Variants in PCDH7 observed in about 807,000 individuals in gnomAD.
PCDH7 encodes protocadherin 7.
Under a neutral mutation model 58.9 loss-of-function variants are expected in PCDH7, and 17 were observed. The observed-to-expected ratio is 0.29, with a 90% CI of 0.20 to 0.43. The LOEUF (loss-of-function observed/expected upper bound fraction) is 0.43. Ranked by LOEUF, PCDH7 falls within the 20% of genes least tolerant of loss-of-function variation. The probability of loss-of-function intolerance (pLI) is 1.00; values close to 1 mark genes in which losing one functional copy is unlikely to be tolerated. For synonymous variants in PCDH7, 664 were observed against 616.4 expected (o/e 1.08, Z -1.14); for missense variants, 1,274 against 1,441.0 (o/e 0.88, Z 1.88).
exon 4 of PCDH7, chr4:31,142,650 C>T: frequency 1.5e-6 from 2 of 1,367,648 alleles, no homozygotes; most frequent in Non-Finnish European, 2.0e-6. Context: ...GAAAAGCTGG[C>T]CAATGGGGAG....
intron 2 of PCDH7, among the ~76,000 whole-genome samples, chr4:30,933,745 C>G (rs554041232): frequency 6.6e-6 from 1 of 152,178 alleles, no homozygotes; most frequent in South Asian, 2.1e-4. Flanking sequence ...GTATCTGACA[C>G]TCACAACTGT....
At chr4:31,043,085 AT>A (rs976371329) in intron 3 of PCDH7, among the ~76,000 whole-genome samples, 14 of 151,964 alleles carry the variant, frequency 9.2e-5, no homozygotes, top group Non-Finnish European at 1.8e-4. Context: ...CCGTGAATGG[AT>A]TTTTTTCATG....
At chr4:30,906,450 A>G (rs756875417) in intron 1 of PCDH7, among the ~76,000 whole-genome samples, 4 of 152,198 alleles carry the variant, frequency 2.6e-5, no homozygotes, top group Non-Finnish European at 5.9e-5. Flanking sequence ...AACAAGACAT[A>G]TTAAAACATG....
chr4:30,920,804 A>G (rs1743097348), intron 2 of PCDH7, among the ~76,000 whole-genome samples: 1 of 152,218 alleles, frequency 6.6e-6, no homozygotes, highest in Admixed American at 6.5e-5. Context: ...TTCTTGTCCT[A>G]GATGTTTAGA....
chr4:30,809,149 GACATAGC>G (rs1726647523), intron 1 of PCDH7, among the ~76,000 whole-genome samples: 1 of 152,106 alleles, frequency 6.6e-6, no homozygotes, highest in African/African-American at 2.4e-5. Flanking sequence ...TTGGATTAGC[GACATAGC>G]TATGTAGCTC....
intron 3 of PCDH7, among the ~76,000 whole-genome samples, chr4:31,091,394 T>C (rs1713229432): frequency 6.6e-6 from 1 of 151,896 alleles, no homozygotes; most frequent in African/African-American, 2.4e-5. Flanking sequence ...TATAGAAATA[T>C]ATTAAAATAT....
chr4:30,735,107 C>CAGTA (rs1449862176), downstream of PCDH7, among the ~76,000 whole-genome samples: 1 of 152,056 alleles, frequency 6.6e-6, no homozygotes, highest in Non-Finnish European at 1.5e-5. Flanking sequence ...ACTGGTCGTA[C>CAGTA]AGTACACTTT....
At chr4:30,816,451 A>G (rs1398872824) in intron 1 of PCDH7, among the ~76,000 whole-genome samples, 1 of 152,194 alleles carries the variant, frequency 6.6e-6, no homozygotes, top group South Asian at 2.1e-4. Flanking sequence ...ACCTTTTAAA[A>G]TATGTAAGCA....
intron 3 of PCDH7, among the ~76,000 whole-genome samples, chr4:31,106,851 A>G (rs1205525002): frequency 6.6e-6 from 1 of 152,214 alleles, no homozygotes; most frequent in African/African-American, 2.4e-5. Context: ...ATGAAAACAC[A>G]CACATTTTAT....
At chr4:30,794,760 T>A (rs1197750706) in intron 1 of PCDH7, among the ~76,000 whole-genome samples, 1 of 152,110 alleles carries the variant, frequency 6.6e-6, no homozygotes, top group Non-Finnish European at 1.5e-5. Flanking sequence ...CGATTGAAAG[T>A]TCTATTTTGT....
chr4:31,028,491 A>T (rs756747223), intron 3 of PCDH7, among the ~76,000 whole-genome samples: 12 of 152,134 alleles, frequency 7.9e-5, no homozygotes, highest in Non-Finnish European at 7.3e-5. Flanking sequence ...CTCTAAAAAT[A>T]AAATAAAATT....
chr4:30,891,778 T>TA, intron 1 of PCDH7, among the ~76,000 whole-genome samples: 1 of 141,972 alleles, frequency 7.0e-6, no homozygotes, highest in African/African-American at 2.5e-5. Flanking sequence ...TTTTTGTTTT[T>TA]TTTTTTTCTC....
chr4:30,939,962 G>A (rs560653114), intron 2 of PCDH7, among the ~76,000 whole-genome samples: 1 of 151,998 alleles, frequency 6.6e-6, no homozygotes, highest in African/African-American at 2.4e-5. Flanking sequence ...AGAAATGGAA[G>A]AGTCGATTAA....
rs141511902 is a variant in PCDH7 at position 30,777,315 on chromosome 4, G to A, written c.70+52719G>A. ...ATTGAAACTCTTAACATGTTTTGAC[G>A]CCAAGAATAACAGCAGAAAATTTTT... On this transcript the variant is annotated intron_variant, in intron 1 of 3. Transcript: ENST00000509759. 4.6e-3 allele frequency among the ~76,000 whole-genome samples: 701 copies of A among 152,190 alleles called. 5 individuals carry two copies. The highest frequency in any genetic ancestry group is 0.016 in the African/African-American group (662 of 41,554).
At chr4:30,920,400 A>T (rs761975562) in intron 2 of PCDH7, 31 bp downstream of exon 2, 1 of 1,345,652 alleles carries the variant, frequency 7.4e-7, no homozygotes. Flanking sequence ...CACACACATA[A>T]TCACGCTAGT....
intron 1 of PCDH7, among the ~76,000 whole-genome samples, chr4:30,775,690 G>A (rs750508551): frequency 4.6e-5 from 7 of 152,060 alleles, no homozygotes; most frequent in Admixed American, 2.0e-4. Context: ...GGAGGATCAC[G>A]AGGTCAGGAG....
At chr4:30,820,879 G>T (rs183310185) in intron 1 of PCDH7, among the ~76,000 whole-genome samples, 1 of 152,004 alleles carries the variant, frequency 6.6e-6, no homozygotes, top group Non-Finnish European at 1.5e-5. Context: ...TTGAGGGGTT[G>T]TTATTGCATT....
At chr4:31,040,419 A>T (rs1020736726) in intron 3 of PCDH7, among the ~76,000 whole-genome samples, 1 of 152,212 alleles carries the variant, frequency 6.6e-6, no homozygotes, top group Non-Finnish European at 1.5e-5. Context: ...GGTGTTCATA[A>T]AGGGAAAGGA....
chr4:30,807,775 G>A (rs1480424348), intron 1 of PCDH7, among the ~76,000 whole-genome samples: 1 of 151,954 alleles, frequency 6.6e-6, no homozygotes, highest in Non-Finnish European at 1.5e-5. Context: ...AGGAAATTTG[G>A]TGATATAGGC....
Sources: allele counts gnomAD v4.1 joint callset (sites outside exome capture counted in the v4.1 genomes callset), GRCh38; gene constraint gnomAD v4.1.1; transcripts MANE v1.5; gene names NCBI Gene and HGNC (gene_info 2026-07-23, HGNC 2026-07-21).